DNM3: variants seen among roughly 807,000 people sequenced by gnomAD.
The protein encoded by DNM3 is dynamin 3, also known as dynamin-3.
A neutral mutation model predicts 101.6 loss-of-function variants in DNM3; 47 were observed. That is an observed-to-expected ratio of 0.46 (90% CI 0.37 to 0.59). The LOEUF is 0.59. Ranked by LOEUF, DNM3 falls within the 20% of genes least tolerant of loss-of-function variation. DNM3 has a pLI of 0.00. For synonymous variants in DNM3, 385 were observed against 387.9 expected (o/e 0.99, Z 0.09); for missense variants, 849 against 1,085.7 (o/e 0.78, Z 3.06).
chr1:171,959,149 A>C (rs1262884505), intron 2 of DNM3, among the ~76,000 whole-genome samples: 1 of 152,182 alleles, frequency 6.6e-6, no homozygotes, highest in Non-Finnish European at 1.5e-5. Context: ...CATGGAGGAG[A>C]AGGTGAGAGA....
At chr1:171,887,449 T>G (rs1400576074) in intron 1 of DNM3, among the ~76,000 whole-genome samples, 1 of 152,184 alleles carries the variant, frequency 6.6e-6, no homozygotes, top group Non-Finnish European at 1.5e-5. Flanking sequence ...TTAAAAGATT[T>G]TCCATAGTTT....
chr1:172,016,715 C>T lies in DNM3; in HGVS notation c.590-15687C>T, dbSNP rs575888608. ...ATTTGGTAGAATTCATCAGTGAACC[C>T]ATCTGGGCCTGGTGCCTTCTTTTTT... On this transcript the variant is annotated intron_variant, in intron 4 of 20. Transcript: ENST00000627582. Among the ~76,000 whole-genome samples, 12 of 152,182 alleles carry T rather than the reference C, an allele frequency of 7.9e-5. No homozygotes were observed. The South Asian group carries it at 2.5e-3, about 32-fold the overall frequency.
At chr1:172,060,165 A>G (rs1281693850) in intron 10 of DNM3, among the ~76,000 whole-genome samples, 1 of 142,702 alleles carries the variant, frequency 7.0e-6, no homozygotes, top group Admixed American at 7.1e-5. Context: ...CTTCAAGGAG[A>G]ACTACAAACC....
At chr1:172,045,839 G>A (rs2049750328) in intron 9 of DNM3, among the ~76,000 whole-genome samples, 1 of 152,162 alleles carries the variant, frequency 6.6e-6, no homozygotes, top group Non-Finnish European at 1.5e-5. Context: ...GACTGTGCTG[G>A]GAACAGGCCC....
intron 1 of DNM3, among the ~76,000 whole-genome samples, chr1:171,902,426 CT>C (rs1328599626): frequency 6.6e-6 from 1 of 152,158 alleles, no homozygotes; most frequent in African/African-American, 2.4e-5. Context: ...TTGAAACCTC[CT>C]GAGATCCAAA....
intron 4 of DNM3, among the ~76,000 whole-genome samples, chr1:172,019,854 G>A (rs553587998): frequency 6.6e-6 from 1 of 151,246 alleles, no homozygotes; most frequent in Non-Finnish European, 1.5e-5. Context: ...TGCTTATATT[G>A]CCCATCTGTT....
At chr1:172,004,075 G>A (rs781523936) in intron 4 of DNM3, among the ~76,000 whole-genome samples, 1 of 151,984 alleles carries the variant, frequency 6.6e-6, no homozygotes, top group Admixed American at 6.6e-5. Context: ...GGGCAAAAGA[G>A]TTGAGGATAT....
At chr1:172,315,775 C>A (rs1355316401) in intron 16 of DNM3, among the ~76,000 whole-genome samples, 2 of 152,178 alleles carry the variant, frequency 1.3e-5, no homozygotes, top group African/African-American at 4.8e-5. Context: ...GTGTACCTGA[C>A]AGTGACGGGG....
intron 4 of DNM3, among the ~76,000 whole-genome samples, chr1:172,000,900 T>A (rs987033173): frequency 1.3e-5 from 2 of 152,066 alleles, no homozygotes; most frequent in Non-Finnish European, 2.9e-5. Context: ...AAAAGAATGT[T>A]TCTGAAAGAT....
At chr1:172,208,972 GAA>G (rs999628978) in intron 14 of DNM3, among the ~76,000 whole-genome samples, 5 of 152,088 alleles carry the variant, frequency 3.3e-5, no homozygotes, top group Non-Finnish European at 5.9e-5. Context: ...AGAAGCAACA[GAA>G]GAGAGAAGGT....
chr1:172,067,145 A>G (rs2051747237), intron 10 of DNM3, among the ~76,000 whole-genome samples: 1 of 152,022 alleles, frequency 6.6e-6, no homozygotes, highest in Non-Finnish European at 1.5e-5. Context: ...TATAATAGTT[A>G]TTTCTTTTCT....
rs531493448 is a variant in DNM3 at position 172,198,977 on chromosome 1, CTAAT to C, written c.1660-54593_1660-54590del. ...TTGGGATTGATTTGTTCTTGCTTCT[CTAAT>C]TATTTCAGTTGTAAATTCAGGTTGT... On this transcript the variant is annotated intron_variant, in intron 14 of 20. Transcript: ENST00000627582. Among the ~76,000 whole-genome samples, 3 of 152,078 alleles carry C rather than the reference CTAAT, an allele frequency of 2.0e-5. No individual in the cohort carries two copies. The East Asian group carries it at 5.8e-4, about 29-fold the overall frequency.
At chr1:172,127,303 C>A (rs1399486578) in intron 13 of DNM3, among the ~76,000 whole-genome samples, 1 of 151,948 alleles carries the variant, frequency 6.6e-6, no homozygotes, top group Non-Finnish European at 1.5e-5. Flanking sequence ...AAGGCTAGAC[C>A]CTTCTCTTTG....
intron 14 of DNM3, among the ~76,000 whole-genome samples, chr1:172,178,018 T>A (rs2059214817): frequency 6.6e-6 from 1 of 151,956 alleles, no homozygotes; most frequent in Non-Finnish European, 1.5e-5. Context: ...CAAAGCTAGA[T>A]GGTCTAGCCC....
chr1:172,234,529 G>A (rs12402943), intron 14 of DNM3, among the ~76,000 whole-genome samples: 32,347 of 151,842 alleles, frequency 0.21, 3,443 homozygotes, highest in East Asian at 0.28. Flanking sequence ...ATTGGAAAAA[G>A]CTACTTTAAA....
intron 10 of DNM3, among the ~76,000 whole-genome samples, chr1:172,056,929 G>A (rs991676631): frequency 4.6e-5 from 7 of 151,976 alleles, no homozygotes; most frequent in African/African-American, 1.7e-4. Context: ...CAAAGGCAAA[G>A]AAGTTGAAAA....
chr1:172,037,610 C>T (rs1244390006), intron 6 of DNM3, among the ~76,000 whole-genome samples: 2 of 152,042 alleles, frequency 1.3e-5, no homozygotes. Flanking sequence ...TTTTATCTCA[C>T]CTTTGTTCTT....
At chr1:172,243,721 G>C (rs2061834109) in intron 14 of DNM3, among the ~76,000 whole-genome samples, 2 of 152,134 alleles carry the variant, frequency 1.3e-5, no homozygotes, top group African/African-American at 4.8e-5. Flanking sequence ...AAAAAGTGCT[G>C]TTGATGAGCA....
intron 17 of DNM3, among the ~76,000 whole-genome samples, chr1:172,374,375 C>T (rs2068496313): frequency 6.6e-6 from 1 of 151,948 alleles, no homozygotes. Context: ...TAGGTGACAG[C>T]TTTATCAACT....
Sources: allele counts gnomAD v4.1 joint callset (sites outside exome capture counted in the v4.1 genomes callset), GRCh38; gene constraint gnomAD v4.1.1; transcripts MANE v1.5; gene names NCBI Gene and HGNC (gene_info 2026-07-23, HGNC 2026-07-21).